SMOC2: variants seen among roughly 807,000 people sequenced by gnomAD.
The protein encoded by SMOC2 is SPARC related modular calcium binding 2, also known as SPARC-related modular calcium-binding protein 2.
SMOC2 carries 39 observed loss-of-function variants against 61.4 expected under a neutral mutation model. The ratio of observed to expected loss-of-function variants is 0.64; its 90% CI spans 0.49 to 0.83. SMOC2 has a LOEUF of 0.83. Among genes scored for constraint, SMOC2 ranks in the 40% least tolerant of loss-of-function variants. The pLI is 0.00. For missense variants in SMOC2, 556 were observed against 592.9 expected, an observed-to-expected ratio of 0.94 and a Z score of 0.65; for synonymous variants, 247 against 239.9, an observed-to-expected ratio of 1.03 and a Z score of -0.27.
intron 9 of SMOC2, among the ~76,000 whole-genome samples, chr6:168,627,293 ATTG>A (rs559475967): frequency 7.0e-4 from 106 of 152,270 alleles, no homozygotes; most frequent in African/African-American, 2.5e-3. Flanking sequence ...AAAGTGTGAT[ATTG>A]TTTGTTGAGA....
intron 7 of SMOC2, among the ~76,000 whole-genome samples, chr6:168,560,610 G>A (rs112404738): frequency 0.028 from 292 of 10,250 alleles, 12 homozygotes; most frequent in African/African-American, 0.045. Flanking sequence ...CCTGAGACAC[G>A]AGGCTCTCAC....
chr6:168,454,328 T>C (rs1269659378), intron 1 of SMOC2, among the ~76,000 whole-genome samples: 1 of 151,994 alleles, frequency 6.6e-6, no homozygotes, highest in African/African-American at 2.4e-5. Flanking sequence ...TGAACTAACC[T>C]AGAACTAACC....
At chr6:168,520,509 AAG>A (rs1783304143) in intron 2 of SMOC2, among the ~76,000 whole-genome samples, 1 of 152,206 alleles carries the variant, frequency 6.6e-6, no homozygotes, top group Non-Finnish European at 1.5e-5. Context: ...CCTGAACTTG[AAG>A]AGTTTACATG....
Position 168,536,132 on chromosome 6 carries a change from C to T in SMOC2, c.464-7493C>T, listed in dbSNP as rs9364258. Among the ~76,000 whole-genome samples, 849 of 152,318 alleles carry T rather than the reference C, an allele frequency of 5.6e-3. 10 individuals are homozygous for T. The highest frequency in any genetic ancestry group is 0.031 in the East Asian group (160 of 5,160). On this transcript the variant is annotated intron_variant, in intron 4 of 12. Coordinates refer to ENST00000356284, the MANE Select transcript of SMOC2 (RefSeq NM_001166412.2). ...TGCTTTCTGCCGAGTTTCCAGGCAG[C>T]GCTGGTGCTCGTGGCTGGCCCCACA...
At chr6:168,624,647 C>T (rs1301520768) in intron 9 of SMOC2, among the ~76,000 whole-genome samples, 1 of 143,270 alleles carries the variant, frequency 7.0e-6, no homozygotes, top group East Asian at 2.0e-4. Flanking sequence ...TACAAATTCA[C>T]ACACAGACAC....
intron 7 of SMOC2, among the ~76,000 whole-genome samples, chr6:168,573,045 C>T (rs372955256): frequency 1.5e-5 from 1 of 68,008 alleles, no homozygotes; most frequent in Non-Finnish European, 2.8e-5. Flanking sequence ...TTCATTTCCT[C>T]CCCGCATCCC....
In SMOC2 at chr6:168,535,115, C is replaced by A. The variant is rs973777089; in HGVS notation, c.463+7388C>A. ...CCTCCGGAGTAGCTGGGACTACAGG[C>A]ACCCGCCACCACGCCCAGCTAATGT... On this transcript the variant is annotated intron_variant, in intron 4 of 12. Coordinates refer to ENST00000356284, the MANE Select transcript of SMOC2 (RefSeq NM_001166412.2). This position sits in a 1 kb window ranked among gnomAD's most constrained non-coding sequence, Gnocchi z 4.6. Among the ~76,000 whole-genome samples, 1 of 151,926 alleles carries A rather than the reference C, an allele frequency of 6.6e-6. No homozygotes were observed. The highest frequency in any genetic ancestry group is 1.5e-5 in the Non-Finnish European group (1 of 68,002).
At chr6:168,511,385 G>A (rs1783004387) in intron 2 of SMOC2, among the ~76,000 whole-genome samples, 1 of 152,130 alleles carries the variant, frequency 6.6e-6, no homozygotes, top group Admixed American at 6.5e-5. Context: ...GGAAGGACAA[G>A]TGCCAAGCAA....
chr6:168,590,710 G>A (rs545612375), intron 7 of SMOC2, among the ~76,000 whole-genome samples: 11 of 152,250 alleles, frequency 7.2e-5, no homozygotes, highest in East Asian at 5.8e-4. Flanking sequence ...TTTAGGCGTC[G>A]TCATACTGAA....
chr6:168,577,698 G>A (rs1784838597), intron 7 of SMOC2, among the ~76,000 whole-genome samples: 2 of 152,286 alleles, frequency 1.3e-5, no homozygotes, highest in East Asian at 1.9e-4. Context: ...CTGCATGAGG[G>A]TCACGCACTT....
intron 1 of SMOC2, among the ~76,000 whole-genome samples, chr6:168,469,562 C>T (rs1160954963): frequency 6.6e-6 from 1 of 152,220 alleles, no homozygotes; most frequent in Non-Finnish European, 1.5e-5. Flanking sequence ...GTCCTGAAAT[C>T]AATAAACTTT....
intron 2 of SMOC2, among the ~76,000 whole-genome samples, chr6:168,511,661 C>A (rs1783011099): frequency 6.6e-6 from 1 of 152,162 alleles, no homozygotes; most frequent in African/African-American, 2.4e-5. Context: ...CATAAACTCC[C>A]TCTGGAGCCT....
chr6:168,518,431 ATG>A (rs553604941), intron 2 of SMOC2, among the ~76,000 whole-genome samples: 169 of 146,226 alleles, frequency 1.2e-3, no homozygotes, highest in African/African-American at 3.8e-3. Context: ...ATGAGTGTGC[ATG>A]TGTGACTGTG....
At chr6:168,445,385 A>G (rs1384368715) in intron 1 of SMOC2, among the ~76,000 whole-genome samples, 1 of 152,110 alleles carries the variant, frequency 6.6e-6, no homozygotes, top group African/African-American at 2.4e-5. Flanking sequence ...TCCCACTCCT[A>G]TTTGTGTTTA....
At chr6:168,478,123 C>T (rs1467523356) in intron 1 of SMOC2, among the ~76,000 whole-genome samples, 3 of 152,170 alleles carry the variant, frequency 2.0e-5, no homozygotes, top group Non-Finnish European at 4.4e-5. Flanking sequence ...ATCTTGACAC[C>T]TTAAATGCCA....
intron 1 of SMOC2, among the ~76,000 whole-genome samples, chr6:168,508,104 G>T (rs1782917636): frequency 6.6e-6 from 1 of 152,192 alleles, no homozygotes; most frequent in South Asian, 2.1e-4. Flanking sequence ...GGGCCGTCCG[G>T]CCCCTACAGC....
chr6:168,623,329 A>ATTTTTTTTTTTTTTTTTT (rs11284179), intron 9 of SMOC2, among the ~76,000 whole-genome samples: 2 of 129,108 alleles, frequency 1.5e-5, no homozygotes, highest in Non-Finnish European at 1.6e-5. Flanking sequence ...TGGATAATTA[A>ATTTTTTTTTTTTTTTTTT]TTTTTTTTTT....
intron 7 of SMOC2, among the ~76,000 whole-genome samples, chr6:168,582,163 T>C (rs1242716380): frequency 6.6e-6 from 1 of 152,128 alleles, no homozygotes; most frequent in East Asian, 1.9e-4. Flanking sequence ...AGGGATCCCA[T>C]GGATGGGTTT....
At chr6:168,595,551 C>CA (rs1311166188) in intron 7 of SMOC2, among the ~76,000 whole-genome samples, 1 of 152,178 alleles carries the variant, frequency 6.6e-6, no homozygotes, top group Non-Finnish European at 1.5e-5. Flanking sequence ...CTTCTCTTCC[C>CA]AGGGGCCGTC....
Sources: gnomAD v4.1 joint callset for allele counts (sites outside exome capture counted in the v4.1 genomes callset) on GRCh38, gnomAD v4.1.1 for gene constraint, Gnocchi (gnomAD v3.1) non-coding constraint, MANE v1.5 for transcripts, NCBI Gene and HGNC (gene_info 2026-07-23, HGNC 2026-07-21) for gene names.